Variants in PGAP4 observed in about 807,000 individuals in gnomAD.
PGAP4 encodes GPI-N-acetylgalactosamine transferase PGAP4.
PGAP4 carries 12 observed loss-of-function variants against 28.2 expected under a neutral mutation model. The observed-to-expected ratio is 0.42, with a 90% CI of 0.27 to 0.69. The LOEUF is 0.69. Ranked by LOEUF, PGAP4 falls within the 30% of genes least tolerant of loss-of-function variation. The pLI, the probability that PGAP4 is intolerant of heterozygous loss-of-function variation, is 0.22. For synonymous variants in PGAP4, 205 were observed against 211.8 expected, an observed-to-expected ratio of 0.97 and a Z score of 0.28; for missense variants, 425 against 513.5, an observed-to-expected ratio of 0.83 and a Z score of 1.67.
chr9:101,492,822 CT>C (rs1402697437), intron 2 of PGAP4, among the ~76,000 whole-genome samples: 1 of 152,094 alleles, frequency 6.6e-6, no homozygotes, highest in Non-Finnish European at 1.5e-5. Context: ...CTTATTCTCT[CT>C]GTCTTTTTGC....
chr9:101,516,027 T>A (rs985225240), intron 2 of PGAP4, among the ~76,000 whole-genome samples: 1 of 152,144 alleles, frequency 6.6e-6, no homozygotes, highest in Non-Finnish European at 1.5e-5. Flanking sequence ...TATTAAAACA[T>A]CACATTGTCT....
At chr9:101,480,187 C>T (rs1826442464) in intron 1 of PGAP4, among the ~76,000 whole-genome samples, 1 of 152,128 alleles carries the variant, frequency 6.6e-6, no homozygotes, top group South Asian at 2.1e-4. Context: ...CCAATCATTA[C>T]ACACTACACG....
At chr9:101,494,202 T>A (rs926588008) in intron 2 of PGAP4, among the ~76,000 whole-genome samples, 6 of 152,096 alleles carry the variant, frequency 3.9e-5, no homozygotes, top group African/African-American at 1.4e-4. Flanking sequence ...AAATATGACA[T>A]TTTAGTTAAA....
chr9:101,502,020 T>C (rs1486098891), intron 2 of PGAP4: 4 of 218,474 alleles, frequency 1.8e-5, no homozygotes, highest in Non-Finnish European at 2.8e-5. Context: ...GGTTTTCCTT[T>C]CTCTATCCTC....
chr9:101,532,570 T>C (rs1050614863), intron 1 of PGAP4: 4 of 152,160 alleles, frequency 2.6e-5, no homozygotes, highest in African/African-American at 9.7e-5. Context: ...TGCCATTCAG[T>C]AGTTCTATGA....
chr9:101,479,532 C>T (rs1826422769), intron 1 of PGAP4, among the ~76,000 whole-genome samples: 1 of 152,138 alleles, frequency 6.6e-6, no homozygotes, highest in South Asian at 2.1e-4. Flanking sequence ...CCTTTGGTCC[C>T]AGGGAATTTA....
intron 2 of PGAP4, among the ~76,000 whole-genome samples, chr9:101,522,342 G>A (rs1208253541): frequency 6.6e-6 from 1 of 152,086 alleles, no homozygotes. Flanking sequence ...TTATGTTGCT[G>A]TGTGTTTCAT....
At chr9:101,487,218 C>T (rs1826640167), upstream of PGAP4, 1 of 152,384 alleles carries the variant, frequency 6.6e-6, no homozygotes, top group East Asian at 1.9e-4. Context: ...CGGCAAAAGG[C>T]GCCAACTGAT....
At chr9:101,524,409 G>T (rs191613476) in intron 2 of PGAP4, among the ~76,000 whole-genome samples, 1 of 152,244 alleles carries the variant, frequency 6.6e-6, no homozygotes, top group Admixed American at 6.5e-5. Flanking sequence ...CTACCTCCCA[G>T]CTGCGAAAGA....
intron 2 of PGAP4, among the ~76,000 whole-genome samples, chr9:101,524,905 C>A (rs571486358): frequency 1.3e-4 from 20 of 152,252 alleles, no homozygotes; most frequent in African/African-American, 4.8e-4. Flanking sequence ...TTCTTGTAGT[C>A]GATCTGGAGC....
chr9:101,502,848 A>T (rs1826815528), intron 2 of PGAP4, among the ~76,000 whole-genome samples: 1 of 152,056 alleles, frequency 6.6e-6, no homozygotes. Context: ...CACTTCTCAT[A>T]ATCATAATTT....
intron 1 of PGAP4, among the ~76,000 whole-genome samples, chr9:101,477,922 G>C (rs191560235): frequency 8.0e-4 from 119 of 149,056 alleles, no homozygotes; most frequent in African/African-American, 2.9e-3. Flanking sequence ...TGAGGGAGCG[G>C]GGGGGGAAAG....
In PGAP4 at chr9:101,477,207, TAAAAAAAC is replaced by T. The variant is rs758191602; in HGVS notation, c.-77-46_-77-39del. On this transcript the variant is annotated intron_variant, in intron 1 of 1. Transcript: ENST00000374848. ...GAAGTAGGGAATGGTAAGAGTAACT[TAAAAAAAC>T]AAACAAACAAACAAACAAAAAAACA... 7.1e-3 allele frequency: 7,783 copies of T among 1,089,752 alleles called. 29 individuals are homozygous for T. Among genetic ancestry groups the T allele is most frequent in the Middle Eastern group, 0.015 (46 of 3,046 alleles). The allele number at this position is 1,089,752 out of a possible 1,614,324, so 67.5% of individuals were successfully genotyped here.
intron 2 of PGAP4, among the ~76,000 whole-genome samples, chr9:101,520,630 G>T (rs982802707): frequency 6.6e-6 from 1 of 152,024 alleles, no homozygotes; most frequent in Non-Finnish European, 1.5e-5. Context: ...AAGTCCTTAG[G>T]GTTTTCAAGG....
At chr9:101,516,800 T>G (rs933267761) in intron 2 of PGAP4, among the ~76,000 whole-genome samples, 2 of 152,194 alleles carry the variant, frequency 1.3e-5, no homozygotes, top group Non-Finnish European at 1.5e-5. Context: ...TTCCTTCATT[T>G]GATTATCCAT....
Position 101,516,392 on chromosome 9 carries a change from C to T in PGAP4, c.-165+14956G>A, listed in dbSNP as rs140562871. On this transcript the variant is annotated intron_variant, in intron 2 of 3. Transcript: ENST00000374851. ...AGATAGTTTAACATTAATCAATTCA[C>T]GCTAATTTCTGAAATGGTGAAATCA... Among the ~76,000 whole-genome samples, 402 of 152,266 alleles carry T rather than the reference C, an allele frequency of 2.6e-3. 4 individuals carry two copies. The highest frequency in any genetic ancestry group is 8.5e-3 in the African/African-American group (354 of 41,570).
chr9:101,491,880 T>C (rs1390715766), upstream of PGAP4, among the ~76,000 whole-genome samples: 2 of 147,102 alleles, frequency 1.4e-5, no homozygotes, highest in African/African-American at 5.0e-5. Context: ...AATTTTTTAG[T>C]GGCCCAGAAT....
chr9:101,484,265 G>C (rs1487175919), intron 1 of PGAP4, among the ~76,000 whole-genome samples: 1 of 152,026 alleles, frequency 6.6e-6, no homozygotes, highest in Non-Finnish European at 1.5e-5. Flanking sequence ...AAGACAGAAA[G>C]AGAGAAGGAG....
intron 2 of PGAP4, among the ~76,000 whole-genome samples, chr9:101,493,892 T>A (rs1826713311): frequency 6.6e-6 from 1 of 152,096 alleles, no homozygotes; most frequent in Non-Finnish European, 1.5e-5. Context: ...ATTAGGAGAA[T>A]GTAGGATCTA....
Sources: gnomAD v4.1 joint callset for allele counts (sites outside exome capture counted in the v4.1 genomes callset) on GRCh38, gnomAD v4.1.1 for gene constraint, MANE v1.5 for transcripts, NCBI Gene and HGNC (gene_info 2026-07-23, HGNC 2026-07-21) for gene names.